The following ERAP2 variants were observed in gnomAD, a reference collection of about 807,000 sequenced individuals.
The protein encoded by ERAP2 is endoplasmic reticulum aminopeptidase 2, also known as leukocyte-derived arginine aminopeptidase.
ERAP2 carries 118 observed loss-of-function variants against 111.1 expected under a neutral mutation model. That is an observed-to-expected ratio of 1.06 (90% CI 0.92 to 1.24). The LOEUF (loss-of-function observed/expected upper bound fraction) is 1.24. Ranked by LOEUF, ERAP2 falls within the 50% of genes most tolerant of loss-of-function variation. ERAP2 has a pLI of 0.00. For missense variants in ERAP2, 1,131 were observed against 1,125.8 expected, an observed-to-expected ratio of 1.00 and a Z score of -0.07; for synonymous variants, 410 against 401.2, an observed-to-expected ratio of 1.02 and a Z score of -0.26.
intron 15 of ERAP2, 72 bp downstream of exon 15, chr5:96,909,836 T>C: frequency 6.7e-7 from 1 of 1,487,970 alleles, no homozygotes; most frequent in Non-Finnish European, 9.1e-7. Context: ...AAGCAAGACA[T>C]TAGGTCTAAA....
chr5:96,912,838 GAC>G (rs756123931), intron 16 of ERAP2, 40 bp downstream of exon 16: 2 of 1,529,382 alleles, frequency 1.3e-6, no homozygotes. Flanking sequence ...TAAGTAAACT[GAC>G]ACAAATTCAG....
intron 1 of ERAP2, among the ~76,000 whole-genome samples, chr5:96,879,015 T>G (rs970896910): frequency 2.0e-5 from 3 of 151,950 alleles, no homozygotes; most frequent in Admixed American, 1.3e-4. Flanking sequence ...TTGCTTGAGT[T>G]TAGGAGTTTG....
At chr5:96,911,882 G>GAAAAAA (rs1176253119) in intron 15 of ERAP2, among the ~76,000 whole-genome samples, 1 of 109,654 alleles carries the variant, frequency 9.1e-6, no homozygotes, top group Non-Finnish European at 1.8e-5. Flanking sequence ...AAAAAAAAAA[G>GAAAAAA]AAAGAAAGAA....
intron 11 of ERAP2, 79 bp from the exon 12 acceptor site, chr5:96,902,195 C>G: frequency 1.0e-6 from 1 of 979,854 alleles, no homozygotes. Flanking sequence ...GTGCCTTTTA[C>G]AGTCTGTCTG....
intron 1 of ERAP2, among the ~76,000 whole-genome samples, chr5:96,877,640 C>T (rs1782686241): frequency 6.6e-6 from 1 of 152,162 alleles, no homozygotes; most frequent in Non-Finnish European, 1.5e-5. Context: ...AAAAACTTTG[C>T]CCATGATCAC....
chr5:96,895,687 TA>T (rs1197395507), intron 7 of ERAP2, among the ~76,000 whole-genome samples: 1 of 152,216 alleles, frequency 6.6e-6, no homozygotes, highest in Non-Finnish European at 1.5e-5. Context: ...CTAGGTACTA[TA>T]GAGAGTTCTC....
chr5:96,913,483 T>C, intron 17 of ERAP2, 26 bp downstream of exon 17: 1 of 1,612,802 alleles, frequency 6.2e-7, no homozygotes, highest in South Asian at 1.1e-5. Flanking sequence ...CATCCAATGT[T>C]TGTTCTTCCA....
intron 17 of ERAP2, among the ~76,000 whole-genome samples, chr5:96,914,511 C>T (rs1401446668): frequency 2.6e-5 from 4 of 152,174 alleles, no homozygotes. Flanking sequence ...ATTGATTTGT[C>T]TGTTTTCATG....
rs760349519 is a variant in ERAP2, at chr5:96,917,627, C to T, written c.*22C>T. Reference sequence around the variant, plus strand: ...TTAAATGGTCAATAGAAAAAGTAGGCTGGGCGCGGTGGCTCACGCCTGTAA... The same window carrying T: ...TTAAATGGTCAATAGAAAAAGTAGGTTGGGCGCGGTGGCTCACGCCTGTAA... On this transcript the variant is annotated 3_prime_UTR_variant, in exon 19 of 19. Transcript: ENST00000437043. The T allele has an allele frequency of 1.9e-6, 3 of 1,590,102 alleles. No homozygotes were observed. The highest frequency in any genetic ancestry group is 2.6e-6 in the Non-Finnish European group (3 of 1,165,144).
At position 96,889,140 on chromosome 5, in the gene ERAP2, CA is replaced by C. The variant is rs1784067115; in HGVS notation, c.850-44del. ...AGGGTTATCAGGAATGGAATTATGC[CA>C]GGGAGCTGTCATTCAAAAACCTCTT... On this transcript the variant is annotated intron_variant, in intron 4 of 18. Transcript: ENST00000437043. 1.9e-6 allele frequency: 3 copies of C among 1,609,016 alleles called. No homozygotes were observed. In the African/African-American group the frequency reaches 4.0e-5, roughly 21 times the overall value.
chr5:96,892,996 A>AGCTGTTC (rs202229086), intron 6 of ERAP2, among the ~76,000 whole-genome samples: 3,510 of 152,284 alleles, frequency 0.023, 52 homozygotes, highest in Non-Finnish European at 0.035. Context: ...TGTTTCATAA[A>AGCTGTTC]GCTGTTCTGA....
intron 15 of ERAP2, among the ~76,000 whole-genome samples, chr5:96,911,256 C>T (rs894711844): frequency 2.0e-5 from 3 of 152,186 alleles, no homozygotes; most frequent in East Asian, 1.9e-4. Flanking sequence ...CTAGTACAAT[C>T]TCTACCATAT....
chr5:96,880,263 A>G lies in ERAP2; in HGVS notation c.575+3A>G. The G allele has an allele frequency of 1.2e-6, 2 of 1,603,964 alleles. No individual in the cohort carries two copies. Among genetic ancestry groups the G allele is most frequent in the Non-Finnish European group, 1.7e-6 (2 of 1,174,576 alleles). ...AGAACTCTTGGTGGTGAAACAAGGT[A>G]AGAACTTGCTCAGGTAATTTACATT... On this transcript the variant is annotated splice_donor_region_variant and intron_variant, in intron 2 of 18. Coordinates refer to ENST00000437043, the MANE Select transcript of ERAP2 (RefSeq NM_022350.5).
At chr5:96,895,438 A>G in intron 7 of ERAP2, 79 bp downstream of exon 7, 1 of 983,850 alleles carries the variant, frequency 1.0e-6, no homozygotes, top group Non-Finnish European at 1.6e-6. Context: ...AGTGAATGTT[A>G]AACAGAAAAA....
intron 6 of ERAP2, among the ~76,000 whole-genome samples, chr5:96,892,756 T>C (rs560553898): frequency 6.6e-6 from 1 of 152,306 alleles, no homozygotes; most frequent in Non-Finnish European, 1.5e-5. Flanking sequence ...AAGCACAGAA[T>C]TGGAAACCTT....
rs1348001194 is a variant in ERAP2, at chr5:96,913,399, A to G, written c.2599A>G (p.Lys867Glu). 6.2e-7 allele frequency: 1 copy of G among 1,614,158 alleles called. No individual in the cohort carries two copies. Among genetic ancestry groups the G allele is most frequent in the East Asian group, 2.2e-5 (1 of 44,880 alleles). ...ALLHAIARRP[K>E]GQQLAWDFVR... ...CCTTCATGCGATTGCCAGACGTCCA[A>G]AGGGGCAGCAACTAGCATGGGATTT... The change falls in exon 17 of 19, where the codon AAG becomes GAG. Residue 867 changes from lysine to glutamate, a missense_variant. Around this residue, in one of 3 missense-constraint regions of ERAP2, gnomAD observed 279 missense variants for 250.9 expected, o/e 1.11. Transcript: ENST00000437043.
chr5:96,900,060 G>A, intron 9 of ERAP2, 61 bp from the exon 10 acceptor site: 1 of 1,587,484 alleles, frequency 6.3e-7, no homozygotes. Context: ...CATGGCTAAT[G>A]TGCACGTTCA....
chr5:96,892,346 G>T lies in ERAP2; in HGVS notation c.1018G>T (p.Gly340Cys), dbSNP rs774617844. Residue 340 changes from glycine (G) to cysteine (C), a missense_variant, in exon 6 of 19, where the codon GGC becomes TGC. Around this residue, in one of 3 missense-constraint regions of ERAP2, gnomAD observed 847 missense variants for 856.5 expected, o/e 0.99. Transcript: ENST00000437043. ...TGCACCTGGAGCCATGGAAAATTGG[G>T]GCCTCATTACATATAGGGAGACGTC... The part of the protein sequence containing the change: ...DFAPGAMENW[G>C]LITYRETSLL... 8.7e-6 allele frequency: 14 copies of T among 1,613,660 alleles called. No individual in the cohort carries two copies. The highest frequency in any genetic ancestry group is 1.1e-5 in the Non-Finnish European group (13 of 1,179,872).
Position 96,913,353 on chromosome 5 carries a change from GAC to G in ERAP2, c.2557_2558del (p.Gln853GlufsTer35). ...TAGGAATGGAAGGAAAGGTTATCAA[GAC>G]ACAGAACTTGGCAGCTCTCCTTCAT... ...ELGMEGKVIK[T>X]QNLAALLHAI... On this transcript the variant is annotated frameshift_variant, in exon 17 of 19. Coordinates refer to ENST00000437043, the MANE Select transcript of ERAP2 (RefSeq NM_022350.5). LOFTEE classifies it high-confidence loss of function. The G allele has an allele frequency of 6.2e-7, 1 of 1,614,062 alleles. No individual in the cohort carries two copies. Among genetic ancestry groups the G allele is most frequent in the Non-Finnish European group, 8.5e-7 (1 of 1,179,972 alleles).
Sources: allele counts gnomAD v4.1 joint callset (sites outside exome capture counted in the v4.1 genomes callset), GRCh38; gene constraint gnomAD v4.1.1; regional missense constraint gnomAD v4.1.1; transcripts MANE v1.5; gene names NCBI Gene and HGNC (gene_info 2026-07-23, HGNC 2026-07-21).